RNF11: variants seen among roughly 807,000 people sequenced by gnomAD.
The protein encoded by RNF11 is ring finger protein 11.
RNF11 carries 4 observed loss-of-function variants against 15.8 expected under a neutral mutation model. That is an observed-to-expected ratio of 0.25 (90% CI 0.12 to 0.58). RNF11 has a LOEUF of 0.58. Among genes scored for constraint, RNF11 ranks in the 20% least tolerant of loss-of-function variants. RNF11 has a pLI of 0.91. For missense variants in RNF11, 139 were observed against 194.4 expected, an observed-to-expected ratio of 0.71 and a Z score of 1.70; for synonymous variants, 68 against 72.3, an observed-to-expected ratio of 0.94 and a Z score of 0.30.
Position 51,270,044 on chromosome 1 carries a change from C to T in RNF11, c.212C>T (p.Ala71Val), listed in dbSNP as rs1646971141. 6.2e-7 allele frequency: 1 copy of T among 1,613,576 alleles called. No individual in the cohort carries two copies. The highest frequency in any genetic ancestry group is 8.5e-7 in the Non-Finnish European group (1 of 1,179,674). ...ACTGAAGAGGAACAAATTAGGATAGCTCAAAGAATAGGTCTTATACAACAT... is the reference window on the plus strand; with the variant it reads ...ACTGAAGAGGAACAAATTAGGATAGTTCAAAGAATAGGTCTTATACAACAT... The part of the protein sequence containing the change: ...QLTEEEQIRI[A>V]QRIGLIQHLP... Residue 71 changes from alanine to valine, a missense_variant, in exon 2 of 3, where the codon GCT becomes GTT. By Grantham distance (64) the Ala-to-Val change is moderately conservative. Transcript: ENST00000242719.
chr1:51,258,679 A>G (rs146939903), intron 1 of RNF11, among the ~76,000 whole-genome samples: 1 of 152,234 alleles, frequency 6.6e-6, no homozygotes, highest in African/African-American at 2.4e-5. Flanking sequence ...GCCCTGCCTC[A>G]GCAAATTTCT....
chr1:51,256,357 T>C (rs980963678), intron 1 of RNF11, among the ~76,000 whole-genome samples: 6 of 152,216 alleles, frequency 3.9e-5, no homozygotes, highest in African/African-American at 7.2e-5. Flanking sequence ...TGTAGTAATA[T>C]GTATTTAAAG....
At position 51,267,788 on chromosome 1, in the gene RNF11, T is replaced by C. The variant is rs1444152487; in HGVS notation, c.124-2168T>C. ...CTCTGTTGCCCAGGCTAGAGTACAG[T>C]GGCAAGATCTTGGCTCACTGCAACC... On this transcript the variant is annotated intron_variant, in intron 1 of 2. Transcript: ENST00000242719. Among the ~76,000 whole-genome samples the C allele has an allele frequency of 2.6e-5, 4 of 152,362 alleles. No individual in the cohort carries two copies. The East Asian group carries it at 7.7e-4, about 29-fold the overall frequency.
intron 1 of RNF11, among the ~76,000 whole-genome samples, chr1:51,238,876 C>T (rs1213309672): frequency 3.9e-5 from 6 of 151,908 alleles, no homozygotes; most frequent in Non-Finnish European, 5.9e-5. Context: ...ATTACAGGCG[C>T]GTGCCACCAC....
intron 1 of RNF11, among the ~76,000 whole-genome samples, chr1:51,240,339 C>G (rs1482028670): frequency 6.6e-6 from 1 of 152,170 alleles, no homozygotes; most frequent in Admixed American, 6.5e-5. Context: ...CTGACTGACT[C>G]CCTTACCTCC....
At chr1:51,244,391 G>A (rs1442609894) in intron 1 of RNF11, among the ~76,000 whole-genome samples, 1 of 147,294 alleles carries the variant, frequency 6.8e-6, no homozygotes, top group Non-Finnish European at 1.5e-5. Context: ...TTTTTTTTTT[G>A]TTTGTTTGTT....
At chr1:51,252,412 C>G (rs1372363624) in intron 1 of RNF11, among the ~76,000 whole-genome samples, 1 of 151,908 alleles carries the variant, frequency 6.6e-6, no homozygotes, top group Non-Finnish European at 1.5e-5. Context: ...CTCAGGAATT[C>G]GAGACCAGCC....
At chr1:51,249,410 G>A (rs540271349) in intron 1 of RNF11, among the ~76,000 whole-genome samples, 2 of 152,184 alleles carry the variant, frequency 1.3e-5, no homozygotes, top group South Asian at 2.1e-4. Flanking sequence ...TCTTAATTAC[G>A]TAGGCTAGTG....
At chr1:51,243,839 T>C (rs1238444432) in intron 1 of RNF11, among the ~76,000 whole-genome samples, 1 of 152,236 alleles carries the variant, frequency 6.6e-6, no homozygotes, top group East Asian at 1.9e-4. Flanking sequence ...TTCATAGCCT[T>C]GTGCTTTCTT....
intron 1 of RNF11, among the ~76,000 whole-genome samples, chr1:51,239,703 C>T (rs1471525163): frequency 1.3e-5 from 2 of 152,174 alleles, no homozygotes; most frequent in African/African-American, 2.4e-5. Context: ...GCGTTAGCTA[C>T]CTCACACAGC....
At chr1:51,252,479 G>T (rs1646884320) in intron 1 of RNF11, among the ~76,000 whole-genome samples, 1 of 152,060 alleles carries the variant, frequency 6.6e-6, no homozygotes, top group South Asian at 2.1e-4. Flanking sequence ...GCTGGATGTG[G>T]TGGCGGGCAC....
chr1:51,260,229 G>A (rs1324648323), intron 1 of RNF11, among the ~76,000 whole-genome samples: 7 of 152,180 alleles, frequency 4.6e-5, no homozygotes, highest in African/African-American at 1.7e-4. Flanking sequence ...GTTCATTGCT[G>A]GTATTTACAA....
intron 1 of RNF11, chr1:51,250,587 G>T: frequency 2.0e-5 from 12 of 614,584 alleles, no homozygotes; most frequent in East Asian, 2.8e-5. Flanking sequence ...TATTTTCCTT[G>T]TCTAAAAACC....
At chr1:51,270,272 A>G (rs1646972192) in intron 2 of RNF11, 147 bp downstream of exon 2, 2 of 636,776 alleles carry the variant, frequency 3.1e-6, no homozygotes, top group Non-Finnish European at 5.4e-6. Context: ...ATTTTTTTTC[A>G]TAGCTCTATT....
chr1:51,248,096 CTTTTTTTTTTTTTT>C (rs1157196813), intron 1 of RNF11, among the ~76,000 whole-genome samples: 1 of 91,704 alleles, frequency 1.1e-5, no homozygotes, highest in Admixed American at 1.1e-4. Context: ...CTAGTTTCTT[CTTTTTTTTTTTTTT>C]TTTTTTTTGA....
rs139475825 is a variant in RNF11 at position 51,268,264 on chromosome 1, T to C, written c.124-1692T>C. Among the ~76,000 whole-genome samples, 816 of 152,320 alleles carry C rather than the reference T, an allele frequency of 5.4e-3. 1 individual carries two copies. Among genetic ancestry groups the C allele is most frequent in the Middle Eastern group, 0.014 (4 of 294 alleles). ...AGAAGGGTGAGGCCACATTCATCTT[T>C]AAAATATCAGGAGGTCTTAGTCATT... On this transcript the variant is annotated intron_variant, in intron 1 of 2. Coordinates refer to ENST00000242719, the MANE Select transcript of RNF11 (RefSeq NM_014372.5).
chr1:51,246,427 T>C (rs1481334574), intron 1 of RNF11, among the ~76,000 whole-genome samples: 1 of 151,796 alleles, frequency 6.6e-6, no homozygotes. Flanking sequence ...AATAAAAAAT[T>C]AGTCAGGTGT....
chr1:51,243,504 C>T (rs1179173472), intron 1 of RNF11, among the ~76,000 whole-genome samples: 1 of 152,092 alleles, frequency 6.6e-6, no homozygotes, highest in Non-Finnish European at 1.5e-5. Context: ...AGTGGTGCCA[C>T]CTCAGCTCAC....
In RNF11 at chr1:51,259,554, A is replaced by G. The variant is rs543661473; in HGVS notation, c.124-10402A>G. On this transcript the variant is annotated intron_variant, in intron 1 of 2. Coordinates refer to ENST00000242719, the MANE Select transcript of RNF11 (RefSeq NM_014372.5). Reference sequence around the variant, plus strand: ...TTTCCTGCAAAAATTCTCATGTTAAATGTTTTGATCCATTATCACTGTAAA... The same window carrying G: ...TTTCCTGCAAAAATTCTCATGTTAAGTGTTTTGATCCATTATCACTGTAAA... Among the ~76,000 whole-genome samples the G allele has an allele frequency of 1.2e-4, 18 of 152,328 alleles. No individual in the cohort carries two copies. In the South Asian group the frequency reaches 3.7e-3, roughly 32 times the overall value.
Sources: gnomAD v4.1 joint callset for allele counts (sites outside exome capture counted in the v4.1 genomes callset) on GRCh38, gnomAD v4.1.1 for gene constraint, MANE v1.5 for transcripts, NCBI Gene and HGNC (gene_info 2026-07-23, HGNC 2026-07-21) for gene names.